The following COL8A2 variants were observed in gnomAD, a reference collection of about 807,000 sequenced individuals.
The protein encoded by COL8A2 is collagen alpha-2(VIII) chain.
COL8A2 carries 16 observed loss-of-function variants against 24.0 expected under a neutral mutation model. The observed-to-expected ratio is 0.67, with a 90% CI of 0.45 to 1.01. The LOEUF (loss-of-function observed/expected upper bound fraction) is 1.01, where lower values mean the gene tolerates loss of function less well. COL8A2 is among the 50% of genes least tolerant of loss of function. The pLI is 0.00. For missense variants in COL8A2, 818 were observed against 942.4 expected, an observed-to-expected ratio of 0.87 and a Z score of 1.73; for synonymous variants, 466 against 424.5, an observed-to-expected ratio of 1.10 and a Z score of -1.20.
At chr1:36,107,759 C>G (rs1013473013) in intron 2 of COL8A2, among the ~76,000 whole-genome samples, 3 of 152,120 alleles carry the variant, frequency 2.0e-5, no homozygotes, top group Admixed American at 6.5e-5. Flanking sequence ...CTGGGCACCT[C>G]TGAGCCCCCT....
chr1:36,106,023 C>T lies in COL8A2; in HGVS notation c.-16-5765G>A, dbSNP rs1024433357. 1.4e-4 allele frequency among the ~76,000 whole-genome samples: 21 copies of T among 151,272 alleles called. 1 individual carries two copies. The highest frequency in any genetic ancestry group is 5.1e-4 in the African/African-American group (21 of 41,228). ...CGCGGTGGCTCACCTGTAATCCCAG[C>T]ATTTTGGGAGGCCGAGGCAGGCGGA... On this transcript the variant is annotated intron_variant, in intron 2 of 3. Transcript: ENST00000397799.
rs1409290029 is a variant in COL8A2 at position 36,100,843 on chromosome 1, C to T, written c.-16-585G>A. Among the ~76,000 whole-genome samples, 8 of 148,586 alleles carry T rather than the reference C, an allele frequency of 5.4e-5. No homozygotes were observed. The South Asian group carries it at 1.3e-3, about 24-fold the overall frequency. On this transcript the variant is annotated intron_variant, in intron 2 of 3. Transcript: ENST00000397799. ...ATGCCCTTCTGGACTCCCTGCCACT[C>T]GCCTTTGGGATCAAGTCTATGGCGC... is the stretch of plus-strand genomic sequence containing the variant.
At chr1:36,112,458 G>C (rs1023085318) in intron 2 of COL8A2, among the ~76,000 whole-genome samples, 2 of 152,076 alleles carry the variant, frequency 1.3e-5, no homozygotes, top group Non-Finnish European at 2.9e-5. Flanking sequence ...AACTGTACAT[G>C]ACATCTCTCT....
chr1:36,123,289 TG>T lies in COL8A2; in HGVS notation c.-62+1767del, dbSNP rs895656839. Among the ~76,000 whole-genome samples the T allele has an allele frequency of 2.0e-5, 3 of 152,184 alleles. No homozygotes were observed. The highest frequency in any genetic ancestry group is 2.0e-4 in the Admixed American group (3 of 15,282). ...TGCCACTGAGAGTTCTGGAGCGGGC[TG>T]GGGGGCCAGCAGGGCAAGGAAGCTG... On this transcript the variant is annotated intron_variant, in intron 1 of 3. Transcript: ENST00000397799. This position sits in a 1 kb window ranked among gnomAD's most constrained non-coding sequence, Gnocchi z 4.1.
chr1:36,110,715 C>T (rs274140), intron 2 of COL8A2, among the ~76,000 whole-genome samples: 14,471 of 152,158 alleles, frequency 0.095, 799 homozygotes, highest in East Asian at 0.22. Flanking sequence ...TGGTCTCGAA[C>T]GCCTGACCTC....
chr1:36,101,525 C>G (rs1006268250), intron 2 of COL8A2, among the ~76,000 whole-genome samples: 2 of 152,194 alleles, frequency 1.3e-5, no homozygotes, highest in East Asian at 1.9e-4. Context: ...AGCACAGGCT[C>G]TGGAACCAGC....
Position 36,099,132 on chromosome 1 carries a change from G to A in COL8A2, c.549C>T (p.Pro183=), listed in dbSNP as rs1162256631. Residue 183 remains proline (P), a synonymous_variant, in exon 4 of 4, where the codon CCC becomes CCT. Transcript: ENST00000397799. ...GKPGAQGVPG[P]PGFQGEPGPQ... ...GCCCTGGTTCCCCCTGGAATCCTGG[G>A]GGCCCTGGCACCCCTTGGGCACCTG... 2.0e-6 allele frequency: 3 copies of A among 1,507,116 alleles called. No homozygotes were observed. Among genetic ancestry groups the A allele is most frequent in the East Asian group, 2.3e-5 (1 of 42,888 alleles). The allele number at this position is 1,507,116 out of a possible 1,614,324, so 93.4% of individuals were successfully genotyped here. A position where few individuals can be genotyped will look rare whatever the true frequency, so the allele number is the denominator to read the frequency against.
At chr1:36,109,925 C>T (rs1643815064) in intron 2 of COL8A2, among the ~76,000 whole-genome samples, 1 of 114,912 alleles carries the variant, frequency 8.7e-6, no homozygotes, top group Non-Finnish European at 1.7e-5. Flanking sequence ...TATTCCTTTA[C>T]TTCCTTTTTT....
At chr1:36,119,782 G>A (rs111455493) in intron 1 of COL8A2, among the ~76,000 whole-genome samples, 32 of 152,306 alleles carry the variant, frequency 2.1e-4, no homozygotes, top group Non-Finnish European at 3.7e-4. Context: ...CAAAGAGTTG[G>A]CCACCTGGGA....
At chr1:36,116,435 T>C (rs1643879959) in intron 1 of COL8A2, among the ~76,000 whole-genome samples, 1 of 152,166 alleles carries the variant, frequency 6.6e-6, no homozygotes, top group African/African-American at 2.4e-5. Context: ...TACTTTGGGT[T>C]AGGATCCCTG....
chr1:36,118,492 G>T (rs1024457486), intron 1 of COL8A2, among the ~76,000 whole-genome samples: 3 of 152,238 alleles, frequency 2.0e-5, no homozygotes, highest in Non-Finnish European at 4.4e-5. Flanking sequence ...GGAAGCTGGG[G>T]TGAGTGGGTA....
chr1:36,098,448 C>A lies in COL8A2; in HGVS notation c.1233G>T (p.Arg411Ser). 1 of 1,585,776 alleles carries A rather than the reference C, an allele frequency of 6.3e-7. No homozygotes were observed. The highest frequency in any genetic ancestry group is 2.3e-5 in the East Asian group (1 of 42,906). Residue 411 changes from arginine (R) to serine (S), a missense_variant, in exon 4 of 4, where the codon AGG (arginine) becomes AGT (serine). Arg to Ser is a moderately radical substitution (Grantham distance 110). This residue lies in a region of COL8A2 where 573 missense variants were observed against 616.8 expected (regional missense o/e 0.93). Coordinates refer to ENST00000397799, the MANE Select transcript of COL8A2 (RefSeq NM_005202.4). ...LAGKPGVPGERGLPGAHGPPG... is the reference protein window; with the variant it reads ...LAGKPGVPGESGLPGAHGPPG... ...GGGGTCCATGGGCCCCAGGAAGTCC[C>A]CTCTCACCTGGGACCCCTGGTTTCC...
chr1:36,108,017 C>T (rs1208170222), intron 2 of COL8A2, among the ~76,000 whole-genome samples: 1 of 152,202 alleles, frequency 6.6e-6, no homozygotes, highest in Non-Finnish European at 1.5e-5. Context: ...CAGGGCTTGG[C>T]TGGCACACAG....
chr1:36,098,723 G>C lies in COL8A2; in HGVS notation c.958C>G (p.Leu320Val). ...CCCCTGTCCCCCTTGGGGCCTGGCAGTCCTGGCATCCCATAGCCAGTGGGG... is the reference window on the plus strand; with the variant it reads ...CCCCTGTCCCCCTTGGGGCCTGGCACTCCTGGCATCCCATAGCCAGTGGGG... Reference protein sequence around the residue: ...IGPTGYGMPGLPGPKGDRGPA... With the variant: ...IGPTGYGMPGVPGPKGDRGPA... The change falls in exon 4 of 4, where the codon CTG (leucine) becomes GTG (valine). Residue 320 changes from leucine to valine, a missense_variant. Leu to Val is a conservative substitution (Grantham distance 32). Transcript: ENST00000397799. 2 of 1,610,240 alleles carry C rather than the reference G, an allele frequency of 1.2e-6. No homozygotes were observed. Among genetic ancestry groups the C allele is most frequent in the Non-Finnish European group, 1.7e-6 (2 of 1,178,964 alleles).
intron 2 of COL8A2, among the ~76,000 whole-genome samples, chr1:36,101,990 G>A (rs1005307050): frequency 1.3e-5 from 2 of 152,044 alleles, no homozygotes; most frequent in Admixed American, 6.6e-5. Context: ...ACCAGCCTGG[G>A]CAACCTGGTG....
intron 2 of COL8A2, 59 bp from the exon 3 acceptor site, chr1:36,100,317 C>G (rs541735180): frequency 1.4e-6 from 2 of 1,417,378 alleles, no homozygotes; most frequent in African/African-American, 1.4e-5. Flanking sequence ...GCACTAGGCC[C>G]GGGGTCACCA....
chr1:36,100,837 G>A (rs1158379977), intron 2 of COL8A2, among the ~76,000 whole-genome samples: 1 of 143,832 alleles, frequency 7.0e-6, no homozygotes, highest in African/African-American at 2.6e-5. Flanking sequence ...TGGACTCCCT[G>A]CCACTCGCCT....
rs112295620 is a variant in COL8A2, at chr1:36,106,866, A to G, written c.-16-6608T>C. On this transcript the variant is annotated intron_variant, in intron 2 of 3. Coordinates refer to ENST00000397799, the MANE Select transcript of COL8A2 (RefSeq NM_005202.4). ...AATTTGCCCCATCCCAGACCCTTCCATCCTGCACTGCGTTCTGCTCGCTGA... is the reference window on the plus strand; with the variant it reads ...AATTTGCCCCATCCCAGACCCTTCCGTCCTGCACTGCGTTCTGCTCGCTGA... Among the ~76,000 whole-genome samples the G allele has an allele frequency of 9.6e-3, 1,457 of 152,164 alleles. 29 individuals carry two copies. Among genetic ancestry groups the G allele is most frequent in the African/African-American group, 0.034 (1,404 of 41,504 alleles).
At chr1:36,116,810 T>G (rs1164939225) in intron 1 of COL8A2, among the ~76,000 whole-genome samples, 3 of 152,178 alleles carry the variant, frequency 2.0e-5, no homozygotes, top group African/African-American at 7.2e-5. Context: ...AATGCCATGC[T>G]TGCATTTCTC....
Sources: gnomAD v4.1 joint callset for allele counts (sites outside exome capture counted in the v4.1 genomes callset) on GRCh38, gnomAD v4.1.1 for gene constraint, gnomAD v4.1.1 regional missense constraint, Gnocchi (gnomAD v3.1) non-coding constraint, MANE v1.5 for transcripts, NCBI Gene and HGNC (gene_info 2026-07-23, HGNC 2026-07-21) for gene names.